Variants in PARD3B observed in about 807,000 individuals in gnomAD.
The protein encoded by PARD3B is partitioning defective 3 homolog B.
PARD3B carries 103 observed loss-of-function variants against 130.2 expected under a neutral mutation model. The observed-to-expected ratio is 0.79, with a 90% CI of 0.67 to 0.93. PARD3B has a LOEUF of 0.93. Ranked by LOEUF, PARD3B falls within the 40% of genes least tolerant of loss-of-function variation. The probability of loss-of-function intolerance (pLI) is 0.00; values close to 1 mark genes in which losing one functional copy is unlikely to be tolerated. For synonymous variants in PARD3B, 583 were observed against 553.2 expected (o/e 1.05, Z -0.76); for missense variants, 1,609 against 1,499.2 (o/e 1.07, Z -1.21).
chr2:204,912,818 C>T (rs2047291910), intron 2 of PARD3B, among the ~76,000 whole-genome samples: 1 of 152,002 alleles, frequency 6.6e-6, no homozygotes, highest in Non-Finnish European at 1.5e-5. Context: ...TACTGTAGAT[C>T]CTGTTTTATT....
At chr2:204,683,520 T>A (rs1019143314) in intron 1 of PARD3B, among the ~76,000 whole-genome samples, 2 of 152,198 alleles carry the variant, frequency 1.3e-5, no homozygotes, top group African/African-American at 4.8e-5. Flanking sequence ...GGCTGTAGGT[T>A]GCATATTTTG....
At chr2:204,961,617 A>G (rs140354644) in intron 2 of PARD3B, among the ~76,000 whole-genome samples, 1 of 152,292 alleles carries the variant, frequency 6.6e-6, no homozygotes, top group African/African-American at 2.4e-5. Flanking sequence ...AGATGATATC[A>G]CTAAACAAAT....
chr2:205,014,643 G>A (rs1695983109), intron 3 of PARD3B, among the ~76,000 whole-genome samples: 1 of 152,196 alleles, frequency 6.6e-6, no homozygotes. Context: ...TATTTATTGA[G>A]CATCTCTTCT....
At position 204,998,312 on chromosome 2, in the gene PARD3B, GTATATATATATATATATA is replaced by G. The variant is rs771546892; in HGVS notation, c.394+33019_394+33036del. Among the ~76,000 whole-genome samples, 129 of 52,000 alleles carry G rather than the reference GTATATATATATATATATA, an allele frequency of 2.5e-3. 13 individuals carry two copies. The highest frequency in any genetic ancestry group is 9.9e-3 in the South Asian group (16 of 1,620). The allele number at this position is 52,000 out of a possible 152,430, so 34.1% of individuals were successfully genotyped here. On this transcript the variant is annotated intron_variant, in intron 3 of 22. Transcript: ENST00000406610. ...CTGCACATGTATCCCAGAACTTAAA[GTATATATATATATATATA>G]TATATATATATATATATATATATAT...
At position 204,858,264 on chromosome 2, in the gene PARD3B, T is replaced by C. The variant is rs112540844; in HGVS notation, c.223-106888T>C. ...AAAGTACCAGAGAGGATCACCTCAA[T>C]TGAAACATGTTCATTGCAGCATTAT... is the stretch of plus-strand genomic sequence containing the variant. On this transcript the variant is annotated intron_variant, in intron 2 of 22. Transcript: ENST00000406610. 1.3e-3 allele frequency among the ~76,000 whole-genome samples: 204 copies of C among 152,234 alleles called. 2 individuals carry two copies. The highest frequency in any genetic ancestry group is 4.5e-3 in the African/African-American group (188 of 41,564).
intron 4 of PARD3B, among the ~76,000 whole-genome samples, chr2:205,084,598 A>G (rs575067111): frequency 3.9e-5 from 6 of 152,132 alleles, no homozygotes; most frequent in Middle Eastern, 3.4e-3. Flanking sequence ...AATTTCTTAT[A>G]CATTTCTACA....
chr2:205,480,201 G>A (rs188383798), intron 20 of PARD3B, among the ~76,000 whole-genome samples: 10 of 152,168 alleles, frequency 6.6e-5, no homozygotes, highest in East Asian at 1.9e-4. Context: ...CACTGTGCCC[G>A]GCTGTGTACT....
intron 10 of PARD3B, among the ~76,000 whole-genome samples, chr2:205,130,077 A>G (rs943161969): frequency 1.3e-5 from 2 of 152,206 alleles, no homozygotes; most frequent in African/African-American, 2.4e-5. Flanking sequence ...TGTTTCTAGT[A>G]TCTTTACCAA....
At chr2:204,995,047 G>A (rs961412901) in intron 3 of PARD3B, among the ~76,000 whole-genome samples, 1 of 151,332 alleles carries the variant, frequency 6.6e-6, no homozygotes, top group Non-Finnish European at 1.5e-5. Flanking sequence ...TTGCCAGTCT[G>A]TGTCTTTTAA....
chr2:204,836,302 ATATAAT>A (rs1390989180), intron 2 of PARD3B, among the ~76,000 whole-genome samples: 1 of 152,258 alleles, frequency 6.6e-6, no homozygotes, highest in Non-Finnish European at 1.5e-5. Context: ...TAAATCAGAA[ATATAAT>A]TAGATACATA....
At position 204,636,453 on chromosome 2, in the gene PARD3B, AGTGTGT is replaced by A. The variant is rs10596741; in HGVS notation, c.121-49696_121-49691del. Among the ~76,000 whole-genome samples the A allele has an allele frequency of 2.1e-3, 297 of 139,434 alleles. 1 individual carries two copies. Among genetic ancestry groups the A allele is most frequent in the Admixed American group, 3.8e-3 (53 of 14,010 alleles). 91.5% of individuals were successfully genotyped at this position (139,434 alleles called of 152,430 possible). ...GAGCTAAGACTTTAGAGGTCAGGTGAGTGTGTGTGTGTGTGTGTGTGTGTGTGTGTG... is the reference window on the plus strand; with the variant it reads ...GAGCTAAGACTTTAGAGGTCAGGTGAGTGTGTGTGTGTGTGTGTGTGTGTG... On this transcript the variant is annotated intron_variant, in intron 1 of 22. Transcript: ENST00000406610.
intron 21 of PARD3B, among the ~76,000 whole-genome samples, chr2:205,517,496 C>CCTAT (rs1218324536): frequency 4.6e-5 from 7 of 151,918 alleles, no homozygotes; most frequent in African/African-American, 1.4e-4. Context: ...TAGCTACCAG[C>CCTAT]CTATCTATCT....
chr2:204,991,345 C>A (rs1198922808), intron 3 of PARD3B, among the ~76,000 whole-genome samples: 48 of 144,188 alleles, frequency 3.3e-4, no homozygotes, highest in South Asian at 1.1e-3. Flanking sequence ...TTTGTTCTTG[C>A]GATAGTTTAC....
At chr2:204,706,742 T>G (rs2038182511) in intron 2 of PARD3B, among the ~76,000 whole-genome samples, 1 of 152,062 alleles carries the variant, frequency 6.6e-6, no homozygotes, top group Admixed American at 6.5e-5. Context: ...ATTGGAAATT[T>G]TTTTGATTTT....
chr2:205,086,855 G>A (rs1353438872), intron 4 of PARD3B, among the ~76,000 whole-genome samples: 5 of 152,184 alleles, frequency 3.3e-5, no homozygotes, highest in African/African-American at 1.2e-4. Context: ...AAATCAAATT[G>A]TGCAATTCAG....
At chr2:205,505,868 C>T (rs867405971) in intron 21 of PARD3B, among the ~76,000 whole-genome samples, 1 of 152,056 alleles carries the variant, frequency 6.6e-6, no homozygotes, top group Middle Eastern at 3.2e-3. Context: ...ATTATCCCCC[C>T]GCCCAACCTT....
At chr2:204,747,098 T>G (rs2040266047) in intron 2 of PARD3B, among the ~76,000 whole-genome samples, 2 of 152,210 alleles carry the variant, frequency 1.3e-5, no homozygotes, top group South Asian at 4.1e-4. Flanking sequence ...TTCTAGGGTT[T>G]TTATGGTTTT....
chr2:204,603,312 A>G (rs1017575165), intron 1 of PARD3B, among the ~76,000 whole-genome samples: 9 of 152,144 alleles, frequency 5.9e-5, no homozygotes, highest in African/African-American at 2.2e-4. Flanking sequence ...GTTTTGTATT[A>G]GAAAGACTTT....
rs1329620689 is a variant in PARD3B, at chr2:205,245,758, C to G, written c.2141-20C>G. ...TTACAAGCCGGTCTGATCCTTGTCT[C>G]TTTTATTTCTTCTCCTCAGTGCCAG... On this transcript the variant is annotated intron_variant, in intron 15 of 22. Transcript: ENST00000406610. 1 of 1,577,880 alleles carries G rather than the reference C, an allele frequency of 6.3e-7. No homozygotes were observed. Among genetic ancestry groups the G allele is most frequent in the Non-Finnish European group, 8.7e-7 (1 of 1,150,146 alleles).
Sources: allele counts gnomAD v4.1 joint callset (sites outside exome capture counted in the v4.1 genomes callset), GRCh38; gene constraint gnomAD v4.1.1; transcripts MANE v1.5; gene names NCBI Gene and HGNC (gene_info 2026-07-23, HGNC 2026-07-21).